CEP97: variants seen among roughly 807,000 people sequenced by gnomAD.
CEP97 encodes the protein centrosomal protein of 97 kDa.
CEP97 carries 43 observed loss-of-function variants against 73.1 expected under a neutral mutation model. The ratio of observed to expected loss-of-function variants is 0.59; its 90% confidence interval spans 0.46 to 0.76. The LOEUF is 0.76. CEP97 is among the 30% of genes least tolerant of loss of function. The probability of loss-of-function intolerance (pLI) is 0.00; values close to 1 mark genes in which losing one functional copy is unlikely to be tolerated. For missense variants in CEP97, 939 were observed against 1,014.0 expected (o/e 0.93, Z 1.00); for synonymous variants, 337 against 370.0 (o/e 0.91, Z 1.02).
At chr3:101,757,307 T>A in intron 8 of CEP97, 111 bp downstream of exon 8, 5 of 1,186,924 alleles carry the variant, frequency 4.2e-6, no homozygotes, top group African/African-American at 1.5e-5. Flanking sequence ...GTTTACTAAC[T>A]TCAGTAATCA....
rs146089916 is a variant in CEP97, at chr3:101,728,901, C to A, written c.411C>A (p.Ser137=). ...QHLDLSDNNI[S]QIGDLSKLVS... is the part of the protein sequence containing the mutation. ...TCGATTTATCAGACAATAATATATC[C>A]CAGATAGGTGATCTATCTAAATTGG... The change falls in exon 4 of 11, where the codon TCC becomes TCA. Residue 137 remains serine, a synonymous_variant. Coordinates refer to ENST00000341893, the MANE Select transcript of CEP97 (RefSeq NM_024548.4). The A allele has an allele frequency of 1.9e-6, 3 of 1,598,300 alleles. No homozygotes were observed. The highest frequency in any genetic ancestry group is 2.7e-5 in the African/African-American group (2 of 74,676).
At chr3:101,748,339 C>A (rs549288675) in intron 6 of CEP97, among the ~76,000 whole-genome samples, 1 of 151,512 alleles carries the variant, frequency 6.6e-6, no homozygotes, top group South Asian at 2.1e-4. Flanking sequence ...TAGCAGTTGA[C>A]GATCTACAGT....
chr3:101,750,245 A>G (rs1251030931), intron 6 of CEP97, among the ~76,000 whole-genome samples: 1 of 148,048 alleles, frequency 6.8e-6, no homozygotes, highest in African/African-American at 2.5e-5. Context: ...CATTTATTAA[A>G]TAGGGAATCC....
intron 6 of CEP97, among the ~76,000 whole-genome samples, chr3:101,734,561 A>C (rs1219758536): frequency 6.6e-6 from 1 of 152,156 alleles, no homozygotes; most frequent in Non-Finnish European, 1.5e-5. Context: ...TGAGTAAAGC[A>C]CAGGGCCGTG....
At chr3:101,761,630 G>T (rs891436214) in intron 9 of CEP97, among the ~76,000 whole-genome samples, 1 of 152,174 alleles carries the variant, frequency 6.6e-6, no homozygotes, top group Non-Finnish European at 1.5e-5. Flanking sequence ...GGGAAAAATA[G>T]CTTCCACTTC....
At chr3:101,737,487 G>C (rs1008992770) in intron 6 of CEP97, among the ~76,000 whole-genome samples, 2 of 152,174 alleles carry the variant, frequency 1.3e-5, no homozygotes, top group African/African-American at 4.8e-5. Context: ...TTAACAGCAG[G>C]TCTCTCTGCA....
At chr3:101,728,669 A>G in intron 3 of CEP97, 167 bp from the exon 4 acceptor site, 2 of 594,826 alleles carry the variant, frequency 3.4e-6, no homozygotes, top group South Asian at 4.2e-5. Flanking sequence ...CAACCTGACA[A>G]TCTACTAAAT....
rs1444213990 is a variant in CEP97 at position 101,767,419 on chromosome 3, G to T, written c.*1868G>T. The T allele has an allele frequency of 1.3e-5, 2 of 151,980 alleles. No homozygotes were observed. The highest frequency in any genetic ancestry group is 2.9e-5 in the Non-Finnish European group (2 of 67,998). The allele number at this position is 151,980 out of a possible 1,614,324, so 9.4% of individuals were successfully genotyped here. On this transcript the variant is annotated 3_prime_UTR_variant, in exon 11 of 11. Transcript: ENST00000341893. ...CCCTATTTTTCTATTTTAAAGTTAA[G>T]TGCCTCACTTGCTGTCCATAGTTAG... is the stretch of plus-strand genomic sequence containing the variant.
intron 6 of CEP97, among the ~76,000 whole-genome samples, chr3:101,740,560 C>G (rs1422593789): frequency 6.6e-6 from 1 of 151,944 alleles, no homozygotes; most frequent in Non-Finnish European, 1.5e-5. Flanking sequence ...TGTATAGATT[C>G]AGTGCTATCC....
rs768648293 is a variant in CEP97, at chr3:101,755,533, T to C, written c.832T>C (p.Ser278Pro). 9 of 1,614,074 alleles carry C rather than the reference T, an allele frequency of 5.6e-6. No homozygotes were observed. In the African/African-American group the frequency reaches 8.0e-5, roughly 14 times the overall value. The change falls in exon 7 of 11, where the codon TCT becomes CCT. Residue 278 changes from serine (S) to proline (P), a missense_variant. Physicochemically the swap from Ser to Pro is moderately conservative, Grantham distance 74. Coordinates refer to ENST00000341893, the MANE Select transcript of CEP97 (RefSeq NM_024548.4). ...QYLATVCPLTSTLGLQTAEDA... is the reference protein window; with the variant it reads ...QYLATVCPLTPTLGLQTAEDA... ...TCTGGCTACAGTCTGCCCCCTCACT[T>C]CTACACTAGGTCTTCAAACTGCAGA...
chr3:101,755,704 A>G, intron 7 of CEP97, 110 bp downstream of exon 7: 1 of 1,044,242 alleles, frequency 9.6e-7, no homozygotes, highest in Non-Finnish European at 1.4e-6. Context: ...ACATTTCTGG[A>G]CACTCAGTCC....
intron 6 of CEP97, among the ~76,000 whole-genome samples, chr3:101,742,054 A>AT (rs1553789009): frequency 6.7e-6 from 1 of 148,958 alleles, no homozygotes; most frequent in East Asian, 2.0e-4. Context: ...AAAAAAAAAA[A>AT]CAAAAAAACA....
At chr3:101,742,078 A>AC (rs1938478429) in intron 6 of CEP97, among the ~76,000 whole-genome samples, 1 of 151,896 alleles carries the variant, frequency 6.6e-6, no homozygotes, top group Non-Finnish European at 1.5e-5. Context: ...AAACAAAAAA[A>AC]ACAGGAAACA....
chr3:101,739,620 A>AC (rs1938383434), intron 6 of CEP97, among the ~76,000 whole-genome samples: 1 of 151,796 alleles, frequency 6.6e-6, no homozygotes, highest in Non-Finnish European at 1.5e-5. Context: ...AAAATTCAAC[A>AC]CCCCTGGCGG....
chr3:101,750,050 T>C (rs1047412399), intron 6 of CEP97, among the ~76,000 whole-genome samples: 2 of 144,742 alleles, frequency 1.4e-5, no homozygotes, highest in Non-Finnish European at 3.1e-5. Flanking sequence ...TTTTGGTGTT[T>C]AGACATGAAG....
intron 6 of CEP97, among the ~76,000 whole-genome samples, chr3:101,739,301 T>TC (rs1938373891): frequency 1.3e-5 from 2 of 151,832 alleles, no homozygotes; most frequent in Non-Finnish European, 2.9e-5. Context: ...AAAGAGGGAC[T>TC]CCTCCCTAAC....
rs998090865 is a variant in CEP97 at position 101,757,738 on chromosome 3, T to G, written c.1132T>G (p.Ser378Ala). The G allele has an allele frequency of 1.1e-5, 17 of 1,614,112 alleles. No homozygotes were observed. In the African/African-American group the frequency reaches 2.1e-4, roughly 20 times the overall value. Residue 378 changes from serine to alanine, a missense_variant, in exon 9 of 11, where the codon TCT (serine) becomes GCT (alanine). Physicochemically the swap from Ser to Ala is moderately conservative, Grantham distance 99. Transcript: ENST00000341893. ...FPASVHTTRY[S>A]RNDLHLEDIQ... ...AGCCTCTGTACACACTACGAGATAT[T>G]CTCGAAATGATCTGCACCTGGAAGA...
At chr3:101,729,842 A>G (rs1938036499) in intron 4 of CEP97, among the ~76,000 whole-genome samples, 1 of 151,734 alleles carries the variant, frequency 6.6e-6, no homozygotes, top group Non-Finnish European at 1.5e-5. Context: ...GGCTCACTGC[A>G]ACCCAAGCAG....
In CEP97 at chr3:101,758,140, C is replaced by G. The variant is rs1351024743; in HGVS notation, c.1534C>G (p.Gln512Glu). The G allele has an allele frequency of 3.1e-6, 5 of 1,613,992 alleles. No homozygotes were observed. Among genetic ancestry groups the G allele is most frequent in the African/African-American group, 1.3e-5 (1 of 74,902 alleles). ...TFFPESTEQK[Q>E]SDIKKPENTQ... ...TTTTCCTGAGTCAACTGAGCAGAAA[C>G]AATCAGACATAAAGAAACCAGAAAA... Residue 512 changes from glutamine (Q) to glutamate (E), a missense_variant, in exon 9 of 11, where the codon CAA (glutamine) becomes GAA (glutamate). Physicochemically the swap from Gln to Glu is conservative, Grantham distance 29 (BLOSUM62 2). Coordinates refer to ENST00000341893, the MANE Select transcript of CEP97 (RefSeq NM_024548.4).
Sources: allele counts gnomAD v4.1 joint callset (sites outside exome capture counted in the v4.1 genomes callset), GRCh38; gene constraint gnomAD v4.1.1; transcripts MANE v1.5; gene names NCBI Gene and HGNC (gene_info 2026-07-23, HGNC 2026-07-21).